The following EXOC6B variants were observed in gnomAD, a reference collection of about 807,000 sequenced individuals.
EXOC6B encodes SEC15 homolog B.
A neutral mutation model predicts 113.5 loss-of-function variants in EXOC6B; 54 were observed. That is an observed-to-expected ratio of 0.48 (90% CI 0.38 to 0.60). The LOEUF (loss-of-function observed/expected upper bound fraction) is 0.60, where lower values mean the gene tolerates loss of function less well. Ranked by LOEUF, EXOC6B falls within the 20% of genes least tolerant of loss-of-function variation. EXOC6B has a pLI of 0.00. For synonymous variants in EXOC6B, 357 were observed against 339.0 expected, an observed-to-expected ratio of 1.05 and a Z score of -0.58; for missense variants, 797 against 977.5, an observed-to-expected ratio of 0.82 and a Z score of 2.46.
intron 8 of EXOC6B, among the ~76,000 whole-genome samples, chr2:72,550,092 T>C (rs1703125429): frequency 6.6e-6 from 1 of 152,168 alleles, no homozygotes; most frequent in African/African-American, 2.4e-5. Flanking sequence ...GTTTATTTTC[T>C]CCTCAATCCC....
At chr2:72,363,563 T>C (rs1310193679) in intron 19 of EXOC6B, among the ~76,000 whole-genome samples, 1 of 152,032 alleles carries the variant, frequency 6.6e-6, no homozygotes, top group African/African-American at 2.4e-5. Flanking sequence ...TGGATATGCT[T>C]AATATGAATT....
chr2:72,223,539 T>A (rs1010414920), intron 20 of EXOC6B, among the ~76,000 whole-genome samples: 4 of 152,172 alleles, frequency 2.6e-5, no homozygotes, highest in Admixed American at 1.3e-4. Flanking sequence ...TTTGCCTTTG[T>A]AATCTGTAGC....
intron 6 of EXOC6B, among the ~76,000 whole-genome samples, chr2:72,638,623 C>T (rs944617659): frequency 6.6e-6 from 1 of 152,174 alleles, no homozygotes; most frequent in Non-Finnish European, 1.5e-5. Context: ...CAAGGAGCAA[C>T]CTGTTCTCAT....
intron 6 of EXOC6B, among the ~76,000 whole-genome samples, chr2:72,578,547 A>G (rs1320272859): frequency 3.3e-5 from 5 of 151,894 alleles, no homozygotes; most frequent in South Asian, 2.1e-4. Flanking sequence ...TTAGGAAGCA[A>G]TTTCTCACTG....
At chr2:72,389,555 G>A (rs1443925439) in intron 18 of EXOC6B, among the ~76,000 whole-genome samples, 2 of 151,934 alleles carry the variant, frequency 1.3e-5, no homozygotes, top group African/African-American at 4.8e-5. Flanking sequence ...AACTTAATTT[G>A]ATATTCCTGA....
chr2:72,525,103 G>T (rs2105732899), intron 8 of EXOC6B, among the ~76,000 whole-genome samples: 1 of 152,318 alleles, frequency 6.6e-6, no homozygotes, highest in East Asian at 1.9e-4. Context: ...GACCGACAGA[G>T]TCTGCAGAAT....
rs1281122227 is a variant in EXOC6B, at chr2:72,426,493, A to T, written c.1980+38667T>A. Among the ~76,000 whole-genome samples the T allele has an allele frequency of 5.9e-5, 9 of 152,188 alleles. No individual in the cohort carries two copies. In the South Asian group the frequency reaches 1.0e-3, roughly 17 times the overall value. ...ATACAGGTCTGAAGTTGACATTTATATTATAAGAGGGGAGTTTAAGTATAT... is the reference window on the plus strand; with the variant it reads ...ATACAGGTCTGAAGTTGACATTTATTTTATAAGAGGGGAGTTTAAGTATAT... On this transcript the variant is annotated intron_variant, in intron 18 of 21. Coordinates refer to ENST00000272427, the MANE Select transcript of EXOC6B (RefSeq NM_015189.3).
intron 18 of EXOC6B, among the ~76,000 whole-genome samples, chr2:72,435,077 C>A (rs1194891327): frequency 3.3e-5 from 5 of 152,164 alleles, no homozygotes; most frequent in East Asian, 1.9e-4. Flanking sequence ...ACTGCTTTGG[C>A]TGTGTCCCAG....
At chr2:72,204,264 C>T (rs1679685603) in intron 20 of EXOC6B, among the ~76,000 whole-genome samples, 3 of 152,198 alleles carry the variant, frequency 2.0e-5, no homozygotes, top group African/African-American at 7.2e-5. Flanking sequence ...TGTGGCAAGG[C>T]CCTGAATGTA....
chr2:72,416,207 G>A (rs1694512449), intron 18 of EXOC6B, among the ~76,000 whole-genome samples: 1 of 152,170 alleles, frequency 6.6e-6, no homozygotes, highest in African/African-American at 2.4e-5. Flanking sequence ...ACACAGCCAA[G>A]CTAGATGTCA....
chr2:72,300,344 A>G (rs981431050), intron 20 of EXOC6B, among the ~76,000 whole-genome samples: 3 of 152,092 alleles, frequency 2.0e-5, no homozygotes, highest in Non-Finnish European at 4.4e-5. Context: ...CGCCTACTCA[A>G]TCCTCAACAA....
At chr2:72,753,766 C>T (rs1474486163) in intron 1 of EXOC6B, among the ~76,000 whole-genome samples, 1 of 152,090 alleles carries the variant, frequency 6.6e-6, no homozygotes, top group African/African-American at 2.4e-5. Context: ...ACTTGAAGTT[C>T]CTTGAGTGTA....
At chr2:72,482,634 T>G (rs1699171893) in intron 16 of EXOC6B, among the ~76,000 whole-genome samples, 1 of 152,178 alleles carries the variant, frequency 6.6e-6, no homozygotes. Flanking sequence ...AAGAATCATA[T>G]CAAGCTGTAG....
chr2:72,284,234 T>C (rs1685294480), intron 20 of EXOC6B, among the ~76,000 whole-genome samples: 1 of 151,938 alleles, frequency 6.6e-6, no homozygotes, highest in African/African-American at 2.4e-5. Flanking sequence ...CAACAAAATA[T>C]CAGCAAATCA....
chr2:72,388,183 G>A (rs1692166424), intron 18 of EXOC6B, among the ~76,000 whole-genome samples: 1 of 152,146 alleles, frequency 6.6e-6, no homozygotes. Flanking sequence ...TACTACCAAG[G>A]TTAAGAAACT....
chr2:72,184,867 A>G (rs1290136590), intron 20 of EXOC6B, among the ~76,000 whole-genome samples: 2 of 152,218 alleles, frequency 1.3e-5, no homozygotes, highest in Non-Finnish European at 2.9e-5. Context: ...GCCATAGTAG[A>G]TTAGCCCATG....
At chr2:72,533,283 C>A (rs1702111652) in intron 8 of EXOC6B, among the ~76,000 whole-genome samples, 1 of 152,168 alleles carries the variant, frequency 6.6e-6, no homozygotes, top group Non-Finnish European at 1.5e-5. Flanking sequence ...GCAGTATTAG[C>A]ACCTGCCCCT....
intron 17 of EXOC6B, among the ~76,000 whole-genome samples, chr2:72,470,785 A>ATG (rs1300140193): frequency 3.6e-5 from 5 of 138,958 alleles, no homozygotes; most frequent in Non-Finnish European, 7.5e-5. Context: ...TGTCCCTACA[A>ATG]AGGACATGAA....
Position 72,765,952 on chromosome 2 carries a change from G to A in EXOC6B, c.114-24483C>T, listed in dbSNP as rs552785067. ...TAGAGGCATAAGAGGTTAGAATCCT[G>A]AAGAGGAAAGATGGGAAGAATACAT... is the stretch of plus-strand genomic sequence containing the variant. On this transcript the variant is annotated intron_variant, in intron 1 of 21. Coordinates refer to ENST00000272427, the MANE Select transcript of EXOC6B (RefSeq NM_015189.3). Among the ~76,000 whole-genome samples the A allele has an allele frequency of 1.2e-3, 176 of 152,294 alleles. 2 individuals carry two copies. The highest frequency in any genetic ancestry group is 2.3e-3 in the Non-Finnish European group (156 of 68,014).
Sources: gnomAD v4.1 joint callset for allele counts (sites outside exome capture counted in the v4.1 genomes callset) on GRCh38, gnomAD v4.1.1 for gene constraint, MANE v1.5 for transcripts, NCBI Gene and HGNC (gene_info 2026-07-23, HGNC 2026-07-21) for gene names.